The following MICU1 variants were observed in gnomAD, a reference collection of about 807,000 sequenced individuals.
MICU1 encodes calcium uptake protein 1, mitochondrial.
Under a neutral mutation model 56.8 loss-of-function variants are expected in MICU1, and 45 were observed. That is an observed-to-expected ratio of 0.79 (90% confidence interval 0.62 to 1.02). The LOEUF is 1.02. Ranked by LOEUF, MICU1 falls within the 50% of genes least tolerant of loss-of-function variation. MICU1 has a pLI of 0.00. For missense variants in MICU1, 504 were observed against 587.1 expected, an observed-to-expected ratio of 0.86 and a Z score of 1.46; for synonymous variants, 186 against 195.1, an observed-to-expected ratio of 0.95 and a Z score of 0.39.
At chr10:72,481,017 C>A (rs1192563025) in intron 6 of MICU1, among the ~76,000 whole-genome samples, 1 of 152,198 alleles carries the variant, frequency 6.6e-6, no homozygotes, top group African/African-American at 2.4e-5. Flanking sequence ...AAAGTACATG[C>A]GCTGACACCA....
intron 1 of MICU1, among the ~76,000 whole-genome samples, chr10:72,603,747 T>C (rs1411732452): frequency 6.6e-6 from 1 of 152,082 alleles, no homozygotes; most frequent in East Asian, 1.9e-4. Flanking sequence ...GAGGTTGTGG[T>C]GAGCTGAAAT....
intron 1 of MICU1, among the ~76,000 whole-genome samples, chr10:72,568,965 G>A (rs565173377): frequency 6.6e-6 from 1 of 150,436 alleles, no homozygotes; most frequent in Non-Finnish European, 1.5e-5. Context: ...TGTTGGCAAG[G>A]CTGGTCTCGA....
intron 4 of MICU1, among the ~76,000 whole-genome samples, chr10:72,543,041 C>T (rs1839812530): frequency 6.6e-6 from 1 of 152,126 alleles, no homozygotes. Context: ...CTGACTGAGT[C>T]TGGGGTCTTT....
chr10:72,592,057 C>T (rs7914977), intron 1 of MICU1, among the ~76,000 whole-genome samples: 78 of 149,076 alleles, frequency 5.2e-4, no homozygotes, highest in South Asian at 3.8e-3. Context: ...TCATCCAGGC[C>T]GGAATGCAGT....
At chr10:72,388,299 T>A (rs1259970783) in intron 10 of MICU1, among the ~76,000 whole-genome samples, 1 of 152,246 alleles carries the variant, frequency 6.6e-6, no homozygotes, top group African/African-American at 2.4e-5. Flanking sequence ...CAGCTTAGCA[T>A]ACATGCCTTT....
At chr10:72,510,767 A>C (rs983374143) in intron 5 of MICU1, among the ~76,000 whole-genome samples, 9 of 151,948 alleles carry the variant, frequency 5.9e-5, no homozygotes, top group Middle Eastern at 3.4e-3. Flanking sequence ...CGAGTAGCTG[A>C]GATTACAGAT....
intron 1 of MICU1, among the ~76,000 whole-genome samples, chr10:72,569,163 CA>C (rs1840525217): frequency 7.2e-6 from 1 of 138,684 alleles, no homozygotes; most frequent in Non-Finnish European, 1.5e-5. Context: ...AAGATAAATA[CA>C]AAACACTTTT....
intron 1 of MICU1, among the ~76,000 whole-genome samples, chr10:72,609,517 G>A (rs1175354274): frequency 1.3e-5 from 2 of 152,044 alleles, no homozygotes; most frequent in Non-Finnish European, 2.9e-5. Flanking sequence ...GGCAGATCAC[G>A]AGGTCAGGAG....
intron 9 of MICU1, among the ~76,000 whole-genome samples, chr10:72,409,508 T>C (rs4625379): frequency 0.072 from 10,882 of 152,174 alleles, 1,335 homozygotes; most frequent in African/African-American, 0.25. Flanking sequence ...GGCAACATGG[T>C]GAAACCTCAT....
At chr10:72,504,189 C>T (rs946076887) in intron 6 of MICU1, among the ~76,000 whole-genome samples, 21 of 151,892 alleles carry the variant, frequency 1.4e-4, no homozygotes, top group African/African-American at 9.7e-5. Context: ...CAATCCTAAG[C>T]GAAAAGAGGA....
intron 5 of MICU1, among the ~76,000 whole-genome samples, chr10:72,524,164 C>G (rs547485956): frequency 6.6e-6 from 1 of 152,192 alleles, no homozygotes; most frequent in South Asian, 2.1e-4. Context: ...ACTCTGTCAC[C>G]CAGGCTGGAG....
chr10:72,550,577 C>G (rs1435785115), intron 4 of MICU1, among the ~76,000 whole-genome samples: 3 of 152,180 alleles, frequency 2.0e-5, no homozygotes, highest in Non-Finnish European at 1.5e-5. Context: ...CAGGGTTAAG[C>G]TCCTTTGAGA....
chr10:72,502,255 A>G (rs955899157), intron 6 of MICU1, among the ~76,000 whole-genome samples: 9 of 151,404 alleles, frequency 5.9e-5, no homozygotes, highest in Admixed American at 2.6e-4. Flanking sequence ...CCCAGGTTTA[A>G]GCAATTTTCC....
chr10:72,397,292 T>C (rs1461030019), intron 10 of MICU1, among the ~76,000 whole-genome samples: 1 of 152,040 alleles, frequency 6.6e-6, no homozygotes, highest in African/African-American at 2.4e-5. Flanking sequence ...GCACTAAACA[T>C]GGAAAGAAAC....
chr10:72,418,383 A>G (rs1864052701), intron 9 of MICU1, among the ~76,000 whole-genome samples: 1 of 152,214 alleles, frequency 6.6e-6, no homozygotes, highest in African/African-American at 2.4e-5. Context: ...AAGTGATCCT[A>G]TAGTAGAGAA....
intron 8 of MICU1, among the ~76,000 whole-genome samples, chr10:72,472,428 GA>G (rs1169984029): frequency 6.6e-6 from 1 of 152,128 alleles, no homozygotes; most frequent in African/African-American, 2.4e-5. Context: ...ATGCGATGAA[GA>G]AAAAACCCTT....
intron 8 of MICU1, among the ~76,000 whole-genome samples, chr10:72,443,240 G>C (rs1589225135): frequency 1.3e-5 from 2 of 152,038 alleles, no homozygotes; most frequent in Admixed American, 1.3e-4. Flanking sequence ...TTGTAAATTT[G>C]TTTGAGTTCA....
In MICU1 at chr10:72,551,359, G is replaced by T. The variant is rs1840030374; in HGVS notation, c.331-18C>A. On this transcript the variant is annotated intron_variant, in intron 3 of 11. Transcript: ENST00000361114. The stretch of plus-strand genomic sequence containing the variant: ...TCCATCACCTAAAGTTAGAAATTTA[G>T]AAAGTGTTACTATATTAAGCAATGC... 6.3e-6 allele frequency: 10 copies of T among 1,588,146 alleles called. No individual in the cohort carries two copies. The highest frequency in any genetic ancestry group is 8.6e-6 in the Non-Finnish European group (10 of 1,166,752).
chr10:72,587,846 T>C (rs945897966), intron 1 of MICU1, among the ~76,000 whole-genome samples: 1 of 152,094 alleles, frequency 6.6e-6, no homozygotes, highest in South Asian at 2.1e-4. Context: ...TAAAATACTA[T>C]TTAAGCAAGG....
Sources: allele counts gnomAD v4.1 joint callset (sites outside exome capture counted in the v4.1 genomes callset), GRCh38; gene constraint gnomAD v4.1.1; transcripts MANE v1.5; gene names NCBI Gene and HGNC (gene_info 2026-07-23, HGNC 2026-07-21).